The following MEF2A variants were observed in gnomAD, a reference collection of about 807,000 sequenced individuals.
The protein encoded by MEF2A is myocyte-specific enhancer factor 2A.
In MEF2A, 28 loss-of-function variants were observed where a neutral mutation model predicts 55.8. The observed-to-expected ratio is 0.50, with a 90% confidence interval of 0.37 to 0.69. The LOEUF (loss-of-function observed/expected upper bound fraction) is 0.69, where lower values mean the gene tolerates loss of function less well. Among genes scored for constraint, MEF2A ranks in the 30% least tolerant of loss-of-function variants. MEF2A has a pLI of 0.00. For synonymous variants in MEF2A, 239 were observed against 227.1 expected (o/e 1.05, Z -0.47); for missense variants, 528 against 626.2 (o/e 0.84, Z 1.67).
In MEF2A at chr15:99,712,585, C is replaced by T; in HGVS notation, c.1332C>T (p.Pro444=). Residue 444 remains proline, a synonymous_variant, in exon 12 of 12, where the codon CCC becomes CCT. Coordinates refer to ENST00000557942, the MANE Select transcript of MEF2A (RefSeq NM_001319206.4). This position sits in a 1 kb window ranked among gnomAD's most constrained non-coding sequence, Gnocchi z 4.1. ...QPQPQPPQPQ[P]RQEMGRSPVD... is the part of the protein sequence containing the mutation. ...AGCCACAACCCCCGCAGCCCCAGCC[C>T]CGACAGGAAATGGGGCGCTCCCCTG... 1.3e-6 allele frequency: 2 copies of T among 1,551,678 alleles called. No individual in the cohort carries two copies. The highest frequency in any genetic ancestry group is 1.7e-6 in the Non-Finnish European group (2 of 1,147,008).
At chr15:99,602,716 T>G (rs12910950) in intron 2 of MEF2A, among the ~76,000 whole-genome samples, 11 of 27,362 alleles carry the variant, frequency 4.0e-4, no homozygotes, top group East Asian at 3.3e-3. Context: ...GGGGAGCTTT[T>G]TGTGTGTGTG....
chr15:99,693,252 CAAAAT>C (rs541246172), intron 8 of MEF2A, among the ~76,000 whole-genome samples: 1 of 152,108 alleles, frequency 6.6e-6, no homozygotes, highest in Admixed American at 6.5e-5. Flanking sequence ...GAAAACAAGA[CAAAAT>C]AAACAGAATT....
chr15:99,641,786 T>C (rs2045021153), intron 3 of MEF2A, among the ~76,000 whole-genome samples: 1 of 152,152 alleles, frequency 6.6e-6, no homozygotes, highest in Admixed American at 6.5e-5. Flanking sequence ...AGCCTCCACA[T>C]CCCTGACCCC....
At chr15:99,679,921 G>T (rs2052893139) in intron 7 of MEF2A, among the ~76,000 whole-genome samples, 1 of 152,126 alleles carries the variant, frequency 6.6e-6, no homozygotes. Flanking sequence ...AAAATGTATA[G>T]ACACTCAACA....
chr15:99,612,837 A>G (rs947310150), intron 2 of MEF2A, among the ~76,000 whole-genome samples: 1 of 152,138 alleles, frequency 6.6e-6, no homozygotes, highest in Non-Finnish European at 1.5e-5. Context: ...TGTTCTCCCT[A>G]CTTTGGTGTG....
intron 7 of MEF2A, among the ~76,000 whole-genome samples, chr15:99,688,720 G>A (rs182064929): frequency 6.6e-6 from 1 of 152,274 alleles, no homozygotes; most frequent in African/African-American, 2.4e-5. Flanking sequence ...TCGCGCTGCT[G>A]CACTCCAGCC....
intron 2 of MEF2A, among the ~76,000 whole-genome samples, chr15:99,626,515 GAGTTTTCCTTTGGGGGA>G (rs2042079336): frequency 6.6e-6 from 1 of 150,914 alleles, no homozygotes; most frequent in Non-Finnish European, 1.5e-5. Context: ...TGCTAGCTTT[GAGTTTTCCTTTGGGGGA>G]AAATCACAGC....
At chr15:99,658,938 C>CA (rs2048188574) in intron 4 of MEF2A, among the ~76,000 whole-genome samples, 1 of 152,086 alleles carries the variant, frequency 6.6e-6, no homozygotes, top group Non-Finnish European at 1.5e-5. Context: ...ATGATCTCTA[C>CA]AGTCTTCATG....
intron 5 of MEF2A, among the ~76,000 whole-genome samples, chr15:99,673,586 T>C (rs1406571469): frequency 6.6e-6 from 1 of 152,176 alleles, no homozygotes; most frequent in Non-Finnish European, 1.5e-5. Context: ...GAGCAACATA[T>C]ATTTATCGTG....
At chr15:99,581,848 T>G (rs1261668164) in intron 1 of MEF2A, among the ~76,000 whole-genome samples, 2 of 152,138 alleles carry the variant, frequency 1.3e-5, no homozygotes, top group African/African-American at 4.8e-5. Flanking sequence ...GATTGACATT[T>G]GAACTGGATA....
intron 4 of MEF2A, among the ~76,000 whole-genome samples, chr15:99,651,965 T>G (rs2046919254): frequency 6.6e-6 from 1 of 152,212 alleles, no homozygotes; most frequent in African/African-American, 2.4e-5. Context: ...CCTCCCTATG[T>G]GTTCTTTTTA....
intron 2 of MEF2A, among the ~76,000 whole-genome samples, chr15:99,609,520 G>A (rs1976389298): frequency 6.6e-6 from 1 of 152,088 alleles, no homozygotes; most frequent in Non-Finnish European, 1.5e-5. Flanking sequence ...GATTGTGTTT[G>A]TACGACATAA....
intron 1 of MEF2A, among the ~76,000 whole-genome samples, chr15:99,595,314 A>T (rs1441532939): frequency 6.6e-6 from 1 of 152,102 alleles, no homozygotes; most frequent in African/African-American, 2.4e-5. Flanking sequence ...CTTTCCCTGG[A>T]TGCATTGTCT....
chr15:99,616,901 G>T (rs2040279462), intron 2 of MEF2A, among the ~76,000 whole-genome samples: 1 of 152,148 alleles, frequency 6.6e-6, no homozygotes, highest in South Asian at 2.1e-4. Flanking sequence ...CAGATAATTG[G>T]ATTTTGATTG....
intron 4 of MEF2A, among the ~76,000 whole-genome samples, chr15:99,660,415 T>C (rs1473300861): frequency 2.6e-5 from 4 of 152,174 alleles, no homozygotes; most frequent in Non-Finnish European, 5.9e-5. Flanking sequence ...CAAGGAGATG[T>C]GAGTGAAAAT....
At chr15:99,703,844 C>T (rs1175638714) in intron 9 of MEF2A, among the ~76,000 whole-genome samples, 2 of 152,170 alleles carry the variant, frequency 1.3e-5, no homozygotes, top group Admixed American at 1.3e-4. Context: ...TTTCATCCTG[C>T]ATGATACAGC....
chr15:99,687,955 A>G (rs147200858), intron 7 of MEF2A, among the ~76,000 whole-genome samples: 282 of 152,328 alleles, frequency 1.9e-3, no homozygotes, highest in African/African-American at 6.5e-3. Context: ...GGCAGTTGCT[A>G]GTCTTAATGA....
chr15:99,705,823 A>G (rs1356392044), intron 9 of MEF2A, among the ~76,000 whole-genome samples: 1 of 152,224 alleles, frequency 6.6e-6, no homozygotes, highest in Non-Finnish European at 1.5e-5. Flanking sequence ...CTGTAACATA[A>G]TTTATAAAAA....
At chr15:99,567,297 T>G (rs1488927403) in intron 1 of MEF2A, among the ~76,000 whole-genome samples, 1 of 152,230 alleles carries the variant, frequency 6.6e-6, no homozygotes, top group East Asian at 1.9e-4. Flanking sequence ...TGTCTTAACA[T>G]TTTTTCGGGT....
Sources: gnomAD v4.1 joint callset for allele counts (sites outside exome capture counted in the v4.1 genomes callset) on GRCh38, gnomAD v4.1.1 for gene constraint, Gnocchi (gnomAD v3.1) non-coding constraint, MANE v1.5 for transcripts, NCBI Gene and HGNC (gene_info 2026-07-23, HGNC 2026-07-21) for gene names.